CSMD1: variants seen among roughly 807,000 people sequenced by gnomAD.
The protein encoded by CSMD1 is CUB and sushi domain-containing protein 1.
In CSMD1, 213 loss-of-function variants were observed where a neutral mutation model predicts 417.5. That is an observed-to-expected ratio of 0.51 (90% CI 0.46 to 0.57). The LOEUF (loss-of-function observed/expected upper bound fraction) is 0.57, where lower values mean the gene tolerates loss of function less well. Ranked by LOEUF, CSMD1 falls within the 20% of genes least tolerant of loss-of-function variation. CSMD1 has a pLI of 0.00. For synonymous variants in CSMD1, 2,862 were observed against 1,736.8 expected (o/e 1.65, Z -16.11); for missense variants, 6,923 against 4,529.7 (o/e 1.53, Z -15.17).
chr8:3,677,154 G>T (rs1278841062), intron 7 of CSMD1, among the ~76,000 whole-genome samples: 1 of 151,932 alleles, frequency 6.6e-6, no homozygotes, highest in Admixed American at 6.6e-5. Flanking sequence ...ATGTAACCCA[G>T]AACTTAAAGT....
intron 5 of CSMD1, among the ~76,000 whole-genome samples, chr8:3,882,593 G>A (rs948828090): frequency 6.6e-6 from 1 of 152,190 alleles, no homozygotes; most frequent in Non-Finnish European, 1.5e-5. Context: ...AATGTTCATA[G>A]TAGCACTATT....
intron 2 of CSMD1, among the ~76,000 whole-genome samples, chr8:4,628,432 A>G (rs1802258394): frequency 1.5e-5 from 1 of 67,526 alleles, no homozygotes; most frequent in Non-Finnish European, 3.4e-5. Flanking sequence ...ATATATACAC[A>G]TATACACATA....
chr8:3,241,937 T>C (rs1036425554), intron 26 of CSMD1, among the ~76,000 whole-genome samples: 1 of 146,516 alleles, frequency 6.8e-6, no homozygotes, highest in Non-Finnish European at 1.5e-5. Context: ...CGGGAGCAGA[T>C]TGGGTAATAA....
intron 46 of CSMD1, among the ~76,000 whole-genome samples, chr8:3,098,219 T>C (rs1459202490): frequency 2.0e-5 from 3 of 152,198 alleles, no homozygotes; most frequent in Non-Finnish European, 4.4e-5. Context: ...TTAATCACCT[T>C]TTCCTTAATG....
chr8:4,764,641 T>G lies in CSMD1; in HGVS notation c.86-127083A>C, dbSNP rs368607181. Among the ~76,000 whole-genome samples the G allele has an allele frequency of 3.3e-5, 5 of 151,508 alleles. No individual in the cohort carries two copies. The East Asian group carries it at 7.8e-4, about 23-fold the overall frequency. On this transcript the variant is annotated intron_variant, in intron 1 of 69. Transcript: ENST00000635120. ...TTTGTCTACTGGATTTAGATAATTC[T>G]CTTTGGTGTTCTTAACCCACTTTTC...
chr8:3,500,735 G>C (rs935239629), intron 10 of CSMD1, among the ~76,000 whole-genome samples: 2 of 152,196 alleles, frequency 1.3e-5, no homozygotes, highest in Admixed American at 6.5e-5. Flanking sequence ...GTGTGGGCTT[G>C]ACTGGATGGA....
chr8:4,052,394 C>T (rs1177128584), intron 3 of CSMD1, among the ~76,000 whole-genome samples: 1 of 152,100 alleles, frequency 6.6e-6, no homozygotes, highest in Non-Finnish European at 1.5e-5. Context: ...TTGGCAAAGA[C>T]CTATTTCTCC....
At chr8:4,293,926 G>C (rs550985551) in intron 3 of CSMD1, among the ~76,000 whole-genome samples, 9 of 151,992 alleles carry the variant, frequency 5.9e-5, no homozygotes, top group East Asian at 1.9e-4. Context: ...CTACTGTAGA[G>C]CTTTCCACAC....
At chr8:3,901,491 G>A (rs1467968780) in intron 5 of CSMD1, among the ~76,000 whole-genome samples, 1 of 152,128 alleles carries the variant, frequency 6.6e-6, no homozygotes, top group Admixed American at 6.6e-5. Flanking sequence ...CACATGCATT[G>A]TCAGTTCTGA....
At chr8:3,975,497 T>G (rs1437061055) in intron 5 of CSMD1, among the ~76,000 whole-genome samples, 1 of 152,160 alleles carries the variant, frequency 6.6e-6, no homozygotes, top group Non-Finnish European at 1.5e-5. Flanking sequence ...CTCCATCAAG[T>G]AGCACAGAAA....
At chr8:4,830,481 GTCA>G (rs914955730) in intron 1 of CSMD1, among the ~76,000 whole-genome samples, 4 of 152,156 alleles carry the variant, frequency 2.6e-5, no homozygotes, top group Non-Finnish European at 5.9e-5. Flanking sequence ...TTGCTAGATT[GTCA>G]TCATAGAAGA....
At chr8:3,418,278 G>C (rs1429596298) in intron 12 of CSMD1, among the ~76,000 whole-genome samples, 1 of 152,062 alleles carries the variant, frequency 6.6e-6, no homozygotes, top group Non-Finnish European at 1.5e-5. Context: ...CCACAGAAAT[G>C]AACTGTCTCA....
chr8:3,382,966 T>G (rs558917061), intron 18 of CSMD1, among the ~76,000 whole-genome samples: 19 of 152,276 alleles, frequency 1.2e-4, no homozygotes, highest in African/African-American at 4.6e-4. Flanking sequence ...CTCACAGGCA[T>G]GGCCACTTAA....
intron 3 of CSMD1, among the ~76,000 whole-genome samples, chr8:4,220,031 C>A (rs887996872): frequency 1.3e-5 from 2 of 152,156 alleles, no homozygotes; most frequent in Non-Finnish European, 2.9e-5. Flanking sequence ...CTGACTACAA[C>A]CTCTGCCTCT....
intron 5 of CSMD1, among the ~76,000 whole-genome samples, chr8:3,937,818 C>G (rs375131573): frequency 6.6e-6 from 1 of 152,106 alleles, no homozygotes; most frequent in Non-Finnish European, 1.5e-5. Flanking sequence ...ACTGCTTACA[C>G]AGGAAATTTT....
At chr8:3,159,088 A>G (rs1436877130) in intron 38 of CSMD1, among the ~76,000 whole-genome samples, 1 of 152,192 alleles carries the variant, frequency 6.6e-6, no homozygotes, top group African/African-American at 2.4e-5. Context: ...TGCTGCCGGC[A>G]TTGACACTCT....
At chr8:3,433,829 G>A (rs1585158241) in intron 12 of CSMD1, among the ~76,000 whole-genome samples, 1 of 152,160 alleles carries the variant, frequency 6.6e-6, no homozygotes, top group African/African-American at 2.4e-5. Context: ...GGGCTCCCGT[G>A]GCAGCTCAGC....
At position 4,482,925 on chromosome 8, in the gene CSMD1, G is replaced by C. The variant is rs565080199; in HGVS notation, c.303-62860C>G. Among the ~76,000 whole-genome samples the C allele has an allele frequency of 2.0e-5, 3 of 152,216 alleles. No individual in the cohort carries two copies. In the South Asian group the frequency reaches 6.2e-4, roughly 32 times the overall value. On this transcript the variant is annotated intron_variant, in intron 2 of 69. Transcript: ENST00000635120. ...AATTTTCCAAATATATTAATTTTTA[G>C]TAAGTATGGGAGGCGTAGGTATAAA...
intron 1 of CSMD1, among the ~76,000 whole-genome samples, chr8:4,717,310 C>CCATATATATAT (rs1808719060): frequency 7.3e-6 from 1 of 137,132 alleles, no homozygotes; most frequent in Non-Finnish European, 1.5e-5. Context: ...TCTCTCTCTC[C>CCATATATATAT]ATATATATAT....
Sources: allele counts gnomAD v4.1 joint callset (sites outside exome capture counted in the v4.1 genomes callset), GRCh38; gene constraint gnomAD v4.1.1; transcripts MANE v1.5; gene names NCBI Gene and HGNC (gene_info 2026-07-23, HGNC 2026-07-21).